Variants in FGL1 observed in about 807,000 individuals in gnomAD.
FGL1 encodes the protein fibrinogen-like protein 1.
FGL1 carries 59 observed loss-of-function variants against 43.7 expected under a neutral mutation model. The observed-to-expected ratio is 1.35, with a 90% CI of 1.10 to 1.68. The LOEUF (loss-of-function observed/expected upper bound fraction) is 1.68, where lower values mean the gene tolerates loss of function less well. FGL1 is among the 40% of genes most tolerant of loss of function. FGL1 has a pLI of 0.00. For synonymous variants in FGL1, 192 were observed against 126.5 expected (o/e 1.52, Z -3.48); for missense variants, 596 against 373.0 (o/e 1.60, Z -4.92).
At chr8:17,873,410 T>A (rs758493116) in intron 5 of FGL1, among the ~76,000 whole-genome samples, 2 of 152,118 alleles carry the variant, frequency 1.3e-5, no homozygotes, top group African/African-American at 4.8e-5. Flanking sequence ...AGGAAGTTGA[T>A]GGCAGACTCA....
At chr8:17,889,954 G>C (rs1395603471) in intron 1 of FGL1, among the ~76,000 whole-genome samples, 5 of 152,178 alleles carry the variant, frequency 3.3e-5, no homozygotes, top group African/African-American at 1.2e-4. Flanking sequence ...TGATCAGAGA[G>C]AGAACAAATT....
intron 5 of FGL1, among the ~76,000 whole-genome samples, chr8:17,871,167 G>A (rs2131700498): frequency 6.6e-6 from 1 of 152,200 alleles, no homozygotes; most frequent in South Asian, 2.1e-4. Flanking sequence ...TATAAGAGCA[G>A]CAAGGCAGGC....
chr8:17,869,146 C>A, intron 5 of FGL1, 142 bp from the exon 6 acceptor site: 1 of 548,082 alleles, frequency 1.8e-6, no homozygotes, highest in South Asian at 2.8e-5. Flanking sequence ...TAAACAGTGA[C>A]TCCTTTGTAT....
chr8:17,893,228 C>A (rs34130587), intron 1 of FGL1, among the ~76,000 whole-genome samples: 2,429 of 151,976 alleles, frequency 0.016, 64 homozygotes, highest in African/African-American at 0.055. Context: ...ACAACAACAA[C>A]AAAAAACACC....
chr8:17,882,243 A>C, intron 2 of FGL1, 64 bp from the exon 3 acceptor site: 5 of 1,432,022 alleles, frequency 3.5e-6, no homozygotes, highest in Non-Finnish European at 4.7e-6. Flanking sequence ...GTGCTTTTTA[A>C]ACATTTGGAT....
intron 5 of FGL1, among the ~76,000 whole-genome samples, chr8:17,870,208 A>G (rs2053337446): frequency 6.6e-6 from 1 of 152,204 alleles, no homozygotes; most frequent in African/African-American, 2.4e-5. Context: ...AAAAATCTCT[A>G]AACATTAAAG....
At chr8:17,881,611 A>G (rs1460747687) in intron 3 of FGL1, among the ~76,000 whole-genome samples, 3 of 151,558 alleles carry the variant, frequency 2.0e-5, no homozygotes, top group Non-Finnish European at 4.4e-5. Context: ...AGGCAGGCGA[A>G]TCACAAGGTC....
intron 1 of FGL1, among the ~76,000 whole-genome samples, chr8:17,892,963 G>T (rs1010876863): frequency 6.6e-6 from 1 of 152,218 alleles, no homozygotes; most frequent in African/African-American, 2.4e-5. Context: ...ACGTTGAGAG[G>T]CTGAGGCAGG....
chr8:17,890,952 G>T (rs35969289), intron 1 of FGL1, among the ~76,000 whole-genome samples: 7,836 of 152,172 alleles, frequency 0.051, 223 homozygotes, highest in East Asian at 0.067. Flanking sequence ...TTCAAGATGA[G>T]ATTTGGGTGG....
chr8:17,881,657 C>T (rs35507275), intron 3 of FGL1, among the ~76,000 whole-genome samples: 5,718 of 150,726 alleles, frequency 0.038, 380 homozygotes, highest in African/African-American at 0.13. Flanking sequence ...CATGGTGAAA[C>T]CCTGCCTCTA....
chr8:17,888,096 T>A (rs2053655317), intron 1 of FGL1, among the ~76,000 whole-genome samples: 1 of 151,996 alleles, frequency 6.6e-6, no homozygotes, highest in South Asian at 2.1e-4. Flanking sequence ...TGTTTTTATA[T>A]GTAATGTATT....
intron 1 of FGL1, among the ~76,000 whole-genome samples, chr8:17,889,973 C>T (rs1585152098): frequency 6.6e-6 from 1 of 152,150 alleles, no homozygotes; most frequent in African/African-American, 2.4e-5. Context: ...TTGGCAAGAA[C>T]CTGTTTTTAT....
At chr8:17,870,448 A>G (rs1318627389) in intron 5 of FGL1, among the ~76,000 whole-genome samples, 1 of 152,184 alleles carries the variant, frequency 6.6e-6, no homozygotes. Flanking sequence ...AGATATAACA[A>G]TGACCTGTAA....
intron 1 of FGL1, 153 bp from the exon 2 acceptor site, chr8:17,885,724 C>T (rs1192751823): frequency 4.9e-6 from 3 of 608,082 alleles, no homozygotes; most frequent in South Asian, 2.1e-5. Context: ...CTTTCCCAGC[C>T]TCTCACCACA....
chr8:17,883,039 T>G (rs1416369864), intron 2 of FGL1, among the ~76,000 whole-genome samples: 1 of 93,486 alleles, frequency 1.1e-5, no homozygotes, highest in Non-Finnish European at 1.7e-5. Flanking sequence ...TGTAATATAT[T>G]AAATATATAA....
At position 17,894,947 on chromosome 8, in the gene FGL1, G is replaced by C. The variant is rs976900692; in HGVS notation, c.-18+500C>G. The stretch of plus-strand genomic sequence containing the variant: ...ATATAAGGTATATAAATATTGCTTA[G>C]CATTAGATTTAGTAAAAAATAAAGG... On this transcript the variant is annotated intron_variant, in intron 1 of 7. Coordinates refer to ENST00000427924, the MANE Select transcript of FGL1 (RefSeq NM_004467.4). Among the ~76,000 whole-genome samples, 4 of 148,224 alleles carry C rather than the reference G, an allele frequency of 2.7e-5. 1 individual carries two copies. Among genetic ancestry groups the C allele is most frequent in the African/African-American group, 1.0e-4 (4 of 39,066 alleles).
chr8:17,877,446 C>G (rs2053472886), intron 3 of FGL1, among the ~76,000 whole-genome samples: 1 of 152,060 alleles, frequency 6.6e-6, no homozygotes, highest in South Asian at 2.1e-4. Context: ...CCTCTTGTCT[C>G]AGGATGGTGG....
intron 5 of FGL1, 142 bp downstream of exon 5, chr8:17,873,877 A>T: frequency 2.1e-6 from 1 of 482,936 alleles, no homozygotes; most frequent in Non-Finnish European, 3.5e-6. Flanking sequence ...TACATTTGGG[A>T]TTATTGCCCA....
chr8:17,864,752 C>T lies in FGL1; in HGVS notation c.780-1G>A. On this transcript the variant is annotated splice_acceptor_variant, in intron 7 of 7. Coordinates refer to ENST00000427924, the MANE Select transcript of FGL1 (RefSeq NM_004467.4). LOFTEE classifies it high-confidence loss of function. ...ACCATTCAGGTTTGCAGAGTGACACCTAGTGGAAGGGAGAAAAAAAAAGAA... is the reference window on the plus strand; with the variant it reads ...ACCATTCAGGTTTGCAGAGTGACACTTAGTGGAAGGGAGAAAAAAAAAGAA... The T allele has an allele frequency of 6.8e-7, 1 of 1,461,924 alleles. No homozygotes were observed. Among genetic ancestry groups the T allele is most frequent in the Non-Finnish European group, 9.1e-7 (1 of 1,102,830 alleles). The allele number at this position is 1,461,924 out of a possible 1,614,324, so 90.6% of individuals were successfully genotyped here.
Sources: gnomAD v4.1 joint callset for allele counts (sites outside exome capture counted in the v4.1 genomes callset) on GRCh38, gnomAD v4.1.1 for gene constraint, MANE v1.5 for transcripts, NCBI Gene and HGNC (gene_info 2026-07-23, HGNC 2026-07-21) for gene names.